NUP205: variants seen among roughly 807,000 people sequenced by gnomAD.
The protein encoded by NUP205 is nucleoporin 205, also known as nuclear pore complex protein Nup205.
Under a neutral mutation model 253.8 loss-of-function variants are expected in NUP205, and 76 were observed. The observed-to-expected ratio is 0.30, with a 90% confidence interval of 0.25 to 0.36. NUP205 has a LOEUF of 0.36. NUP205 is among the 10% of genes least tolerant of loss of function. The pLI is 1.00. For missense variants in NUP205, 2,162 were observed against 2,425.5 expected, an observed-to-expected ratio of 0.89 and a Z score of 2.28; for synonymous variants, 832 against 850.1, an observed-to-expected ratio of 0.98 and a Z score of 0.37.
At chr7:135,597,764 T>G in intron 14 of NUP205, 1 of 493,270 alleles carries the variant, frequency 2.0e-6, no homozygotes. Flanking sequence ...ACATTAAAGA[T>G]TTCTGTTTTA....
chr7:135,587,031 G>A (rs149628869), intron 8 of NUP205, among the ~76,000 whole-genome samples: 159 of 150,918 alleles, frequency 1.1e-3, no homozygotes, highest in Non-Finnish European at 1.7e-3. Flanking sequence ...ATTTCCAACT[G>A]TAATTGTGGA....
chr7:135,612,500 A>G (rs1168518733), intron 22 of NUP205, among the ~76,000 whole-genome samples: 1 of 152,234 alleles, frequency 6.6e-6, no homozygotes, highest in Non-Finnish European at 1.5e-5. Flanking sequence ...TTTCAGCACT[A>G]TGCTTGGGGG....
At chr7:135,580,061 C>T (rs929742943) in intron 7 of NUP205, among the ~76,000 whole-genome samples, 1 of 152,114 alleles carries the variant, frequency 6.6e-6, no homozygotes, top group Non-Finnish European at 1.5e-5. Context: ...GAATGAGAAC[C>T]ATACATGGAA....
intron 15 of NUP205, among the ~76,000 whole-genome samples, chr7:135,600,340 C>T (rs73725168): frequency 0.034 from 5,172 of 152,246 alleles, 120 homozygotes; most frequent in Middle Eastern, 0.1. Context: ...ACTATAGTCA[C>T]GGATGGAACC....
Position 135,567,162 on chromosome 7 carries a change from ATATATATATATATATATATG to A in NUP205, c.29-3935_29-3916del, listed in dbSNP as rs1584635003. On this transcript the variant is annotated intron_variant, in intron 1 of 42. Transcript: ENST00000285968. ...TATATATATATATATATATATATATATATATATATATATATATATGTATATATGGTCCCTCAGTAAATATT... is the reference window on the plus strand; with the variant it reads ...TATATATATATATATATATATATATATATATATGGTCCCTCAGTAAATATT... Among the ~76,000 whole-genome samples, 9 of 101,590 alleles carry A rather than the reference ATATATATATATATATATATG, an allele frequency of 8.9e-5. No individual in the cohort carries two copies. In the East Asian group the frequency reaches 1.2e-3, roughly 13 times the overall value. 66.6% of individuals were successfully genotyped at this position (101,590 alleles called of 152,430 possible). A position where few individuals can be genotyped will look rare whatever the true frequency, so the allele number is the denominator to read the frequency against.
At chr7:135,619,289 C>T in intron 28 of NUP205, 134 bp from the exon 29 acceptor site, 2 of 904,674 alleles carry the variant, frequency 2.2e-6, no homozygotes, top group South Asian at 1.7e-5. Flanking sequence ...CTGAAGTGAG[C>T]TGAGATTATG....
intron 22 of NUP205, among the ~76,000 whole-genome samples, chr7:135,608,291 T>A (rs1029777909): frequency 1.3e-5 from 2 of 152,190 alleles, no homozygotes; most frequent in African/African-American, 4.8e-5. Flanking sequence ...CCCAAAGTGC[T>A]GGGATTATAG....
At chr7:135,601,590 C>T in intron 17 of NUP205, 83 bp downstream of exon 17, 1 of 1,414,740 alleles carries the variant, frequency 7.1e-7, no homozygotes. Context: ...AATAGATGAT[C>T]TCTGAAGTCA....
chr7:135,575,926 A>G (rs1436863794), intron 3 of NUP205, among the ~76,000 whole-genome samples: 2 of 152,260 alleles, frequency 1.3e-5, no homozygotes, highest in Non-Finnish European at 2.9e-5. Context: ...ATGAGATAGT[A>G]AAATGGGCAT....
In NUP205 at chr7:135,564,541, C is replaced by T. The variant is rs530574024; in HGVS notation, c.29-6564C>T. Among the ~76,000 whole-genome samples the T allele has an allele frequency of 4.6e-5, 7 of 151,540 alleles. No individual in the cohort carries two copies. In the South Asian group the frequency reaches 1.5e-3, roughly 32 times the overall value. ...TGGATTACAGGCATGAGTCACCACGCCCGGCCTGTTTTTTTTTTAAATAGA... is the reference window on the plus strand; with the variant it reads ...TGGATTACAGGCATGAGTCACCACGTCCGGCCTGTTTTTTTTTTAAATAGA... On this transcript the variant is annotated intron_variant, in intron 1 of 42. Transcript: ENST00000285968.
intron 3 of NUP205, 115 bp downstream of exon 3, chr7:135,573,940 G>A (rs1257403870): frequency 1.2e-6 from 1 of 810,388 alleles, no homozygotes; most frequent in Non-Finnish European, 1.9e-6. Flanking sequence ...CTGCAGTTTG[G>A]TAAAACCATA....
chr7:135,562,899 G>A (rs1240991149), intron 1 of NUP205, among the ~76,000 whole-genome samples: 1 of 152,110 alleles, frequency 6.6e-6, no homozygotes, highest in Non-Finnish European at 1.5e-5. Context: ...TGCCAAACCC[G>A]TTTTCTGTAC....
At chr7:135,560,706 T>G (rs540093890) in intron 1 of NUP205, among the ~76,000 whole-genome samples, 2 of 152,298 alleles carry the variant, frequency 1.3e-5, no homozygotes, top group South Asian at 4.1e-4. Flanking sequence ...GAGGACATAC[T>G]AAGTGAAATA....
chr7:135,645,401 C>G, intron 40 of NUP205, 67 bp from the exon 41 acceptor site: 1 of 1,523,326 alleles, frequency 6.6e-7, no homozygotes, highest in South Asian at 1.2e-5. Flanking sequence ...TTTTTCTTCT[C>G]CTCCGAAACT....
intron 15 of NUP205, among the ~76,000 whole-genome samples, chr7:135,600,124 C>T (rs1793932819): frequency 6.6e-6 from 1 of 152,130 alleles, no homozygotes; most frequent in Non-Finnish European, 1.5e-5. Context: ...TCTGCAATGA[C>T]CAAACCCAGT....
At position 135,617,594 on chromosome 7, in the gene NUP205, T is replaced by C; in HGVS notation, c.3691-8T>C. ...GTCTTATTTTTCTTTCTTTTCCTAA[T>C]TATCCAGCTTCTTCATAGGGTTCTT... is the stretch of plus-strand genomic sequence containing the variant. On this transcript the variant is annotated splice_region_variant and splice_polypyrimidine_tract_variant and intron_variant, in intron 26 of 42. Coordinates refer to ENST00000285968, the MANE Select transcript of NUP205 (RefSeq NM_015135.3). 6.2e-7 allele frequency: 1 copy of C among 1,608,706 alleles called. No individual in the cohort carries two copies. Among genetic ancestry groups the C allele is most frequent in the Non-Finnish European group, 8.5e-7 (1 of 1,175,384 alleles).
At chr7:135,564,694 GCCCTTTGATGCTATGTTGATAT>G (rs1382799932) in intron 1 of NUP205, among the ~76,000 whole-genome samples, 3 of 151,834 alleles carry the variant, frequency 2.0e-5, no homozygotes, top group Non-Finnish European at 4.4e-5. Context: ...ACCTTGCCTG[GCCCTTTGATGCTATGTTGATAT>G]TAATGACGAA....
intron 1 of NUP205, among the ~76,000 whole-genome samples, chr7:135,561,498 A>C (rs1327832741): frequency 3.3e-5 from 5 of 152,218 alleles, no homozygotes; most frequent in Non-Finnish European, 7.3e-5. Context: ...CTTCTGTGAT[A>C]GTCTGGTCAC....
At chr7:135,563,346 C>A (rs1339906090) in intron 1 of NUP205, among the ~76,000 whole-genome samples, 1 of 152,030 alleles carries the variant, frequency 6.6e-6, no homozygotes, top group Non-Finnish European at 1.5e-5. Flanking sequence ...TGCCATCACG[C>A]CTGGCTAATT....
Sources: allele counts gnomAD v4.1 joint callset (sites outside exome capture counted in the v4.1 genomes callset), GRCh38; gene constraint gnomAD v4.1.1; transcripts MANE v1.5; gene names NCBI Gene and HGNC (gene_info 2026-07-23, HGNC 2026-07-21).